SYT1: variants seen among roughly 807,000 people sequenced by gnomAD.
The protein encoded by SYT1 is synaptotagmin 1.
A neutral mutation model predicts 44.8 loss-of-function variants in SYT1; 8 were observed. The observed-to-expected ratio is 0.18, with a 90% CI of 0.10 to 0.32. The LOEUF is 0.32. Ranked by LOEUF, SYT1 falls within the 10% of genes least tolerant of loss-of-function variation. The pLI is 1.00. For missense variants in SYT1, 286 were observed against 509.3 expected (o/e 0.56, Z 4.22); for synonymous variants, 154 against 188.8 (o/e 0.82, Z 1.51).
rs1884416643 is a variant in SYT1, at chr12:79,385,882, CAGTT to C, written c.928+32266_928+32269del. On this transcript the variant is annotated intron_variant, in intron 9 of 10. Transcript: ENST00000261205. ...ATAACTCCCCTAAAATTGTTATTGT[CAGTT>C]AGCTGGATAAAGTGGTCTATGACTA... is the stretch of plus-strand genomic sequence containing the variant. 2.0e-5 allele frequency among the ~76,000 whole-genome samples: 3 copies of C among 152,282 alleles called. 1 individual carries two copies. The highest frequency in any genetic ancestry group is 4.4e-5 in the Non-Finnish European group (3 of 68,022).
At chr12:79,156,170 TA>T (rs1170474875) in intron 3 of SYT1, among the ~76,000 whole-genome samples, 7 of 152,084 alleles carry the variant, frequency 4.6e-5, no homozygotes, top group Non-Finnish European at 7.4e-5. Flanking sequence ...CGGAACTCAA[TA>T]GGGTTTGACA....
chr12:79,400,901 C>A (rs925191187), intron 9 of SYT1, among the ~76,000 whole-genome samples: 2 of 152,172 alleles, frequency 1.3e-5, no homozygotes, highest in African/African-American at 4.8e-5. Flanking sequence ...GTTTCATTCA[C>A]CCTTTTAAAC....
At chr12:79,248,966 A>G (rs1877014888) in intron 4 of SYT1, among the ~76,000 whole-genome samples, 1 of 151,904 alleles carries the variant, frequency 6.6e-6, no homozygotes, top group Non-Finnish European at 1.5e-5. Context: ...ATTTCTCTGC[A>G]TGTGTTTTAG....
At chr12:78,941,895 C>T (rs760690474) in intron 1 of SYT1, among the ~76,000 whole-genome samples, 1 of 152,178 alleles carries the variant, frequency 6.6e-6, no homozygotes, top group Non-Finnish European at 1.5e-5. Flanking sequence ...TGACATTCTC[C>T]TCAGTTTCCA....
intron 4 of SYT1, among the ~76,000 whole-genome samples, chr12:79,252,741 C>A (rs1373509224): frequency 6.6e-6 from 1 of 152,050 alleles, no homozygotes; most frequent in East Asian, 1.9e-4. Flanking sequence ...GTGTTATACC[C>A]CTGAGACTTC....
intron 1 of SYT1, among the ~76,000 whole-genome samples, chr12:78,894,071 C>CT (rs150793542): frequency 0.082 from 12,302 of 149,978 alleles, 589 homozygotes; most frequent in African/African-American, 0.13. Flanking sequence ...TATAATTTTT[C>CT]TTTTTTTTTC....
chr12:79,134,760 G>T (rs934523445), intron 3 of SYT1, among the ~76,000 whole-genome samples: 2 of 151,944 alleles, frequency 1.3e-5, no homozygotes, highest in Non-Finnish European at 2.9e-5. Context: ...CTAACACAGG[G>T]CTGGGCATTA....
intron 7 of SYT1, among the ~76,000 whole-genome samples, chr12:79,296,668 G>A (rs1015312727): frequency 2.0e-5 from 3 of 152,150 alleles, no homozygotes; most frequent in Admixed American, 6.6e-5. Flanking sequence ...TGTGTGTGTA[G>A]AGGGCAATTT....
chr12:79,179,425 T>TATATATATATCCATATAG (rs1224449196), intron 3 of SYT1, among the ~76,000 whole-genome samples: 2 of 43,862 alleles, frequency 4.6e-5, no homozygotes, highest in African/African-American at 2.6e-4. Flanking sequence ...TAGATATATC[T>TATATATATATCCATATAG]ATATAGATAT....
intron 3 of SYT1, among the ~76,000 whole-genome samples, chr12:79,203,294 C>T (rs898608506): frequency 2.6e-5 from 4 of 152,158 alleles, no homozygotes; most frequent in African/African-American, 9.7e-5. Flanking sequence ...TTATAGCTCG[C>T]TGTCCATAGA....
rs548526042 is a variant in SYT1, at chr12:78,919,832, G to A, written c.-217+54723G>A. 1.8e-3 allele frequency among the ~76,000 whole-genome samples: 274 copies of A among 152,054 alleles called. 2 individuals carry two copies. Among genetic ancestry groups the A allele is most frequent in the African/African-American group, 6.4e-3 (267 of 41,490 alleles). ...AAATCCTTAAAATAAATTTTTACCT[G>A]TCCAAGAAAGTCTAATTGTGTGTGC... On this transcript the variant is annotated intron_variant, in intron 1 of 10. Transcript: ENST00000261205.
chr12:79,365,006 T>C (rs2136034296), intron 9 of SYT1, among the ~76,000 whole-genome samples: 1 of 152,234 alleles, frequency 6.6e-6, no homozygotes, highest in South Asian at 2.1e-4. Context: ...ATAGGAAAGC[T>C]CAAGAAATAA....
chr12:79,368,791 G>C (rs1419200530), intron 9 of SYT1, among the ~76,000 whole-genome samples: 15 of 152,084 alleles, frequency 9.9e-5, no homozygotes, highest in Non-Finnish European at 1.6e-4. Flanking sequence ...GTAGATTCTG[G>C]ATATTAGCCC....
intron 9 of SYT1, among the ~76,000 whole-genome samples, chr12:79,396,020 C>A (rs1202412255): frequency 6.6e-6 from 1 of 152,166 alleles, no homozygotes; most frequent in Non-Finnish European, 1.5e-5. Flanking sequence ...TTAGTTACTA[C>A]ACCTGGGAAT....
At chr12:79,169,037 A>G (rs1462154364) in intron 3 of SYT1, among the ~76,000 whole-genome samples, 1 of 152,060 alleles carries the variant, frequency 6.6e-6, no homozygotes, top group African/African-American at 2.4e-5. Context: ...TCAACAATGT[A>G]GATAGTTTTA....
chr12:79,278,991 T>C (rs1426210651), intron 4 of SYT1, among the ~76,000 whole-genome samples: 1 of 145,284 alleles, frequency 6.9e-6, no homozygotes, highest in African/African-American at 2.5e-5. Flanking sequence ...CAATAACAAG[T>C]CTTGAAATTG....
intron 3 of SYT1, among the ~76,000 whole-genome samples, chr12:79,124,539 T>C (rs1054884861): frequency 1.3e-5 from 2 of 152,080 alleles, no homozygotes; most frequent in Non-Finnish European, 2.9e-5. Flanking sequence ...ACCATCATCA[T>C]CATCATCACC....
At chr12:79,318,104 A>C (rs1169227507) in intron 8 of SYT1, among the ~76,000 whole-genome samples, 4 of 152,206 alleles carry the variant, frequency 2.6e-5, no homozygotes, top group Non-Finnish European at 5.9e-5. Flanking sequence ...CCATTCTCCT[A>C]AATTTCCATT....
chr12:79,401,934 A>G (rs551047629), intron 9 of SYT1, among the ~76,000 whole-genome samples: 1 of 152,238 alleles, frequency 6.6e-6, no homozygotes, highest in East Asian at 1.9e-4. Flanking sequence ...CTTCCAAAGT[A>G]CTGGGATTAG....
Sources: gnomAD v4.1 joint callset for allele counts (sites outside exome capture counted in the v4.1 genomes callset) on GRCh38, gnomAD v4.1.1 for gene constraint, MANE v1.5 for transcripts, NCBI Gene and HGNC (gene_info 2026-07-23, HGNC 2026-07-21) for gene names.